NAV3: variants seen among roughly 807,000 people sequenced by gnomAD.
The protein encoded by NAV3 is neuron navigator 3, also known as pore membrane and/or filament interacting like protein 1.
NAV3 carries 87 observed loss-of-function variants against 244.7 expected under a neutral mutation model. The observed-to-expected ratio is 0.36, with a 90% CI of 0.30 to 0.42. NAV3 has a LOEUF of 0.42. NAV3 is among the 20% of genes least tolerant of loss of function. The pLI is 1.00. For missense variants in NAV3, 2,663 were observed against 2,893.3 expected (o/e 0.92, Z 1.83); for synonymous variants, 1,126 against 1,042.2 (o/e 1.08, Z -1.55).
At chr12:77,637,522 A>G in intron 2 of NAV3, among the ~76,000 whole-genome samples, 1 of 152,278 alleles carries the variant, frequency 6.6e-6, no homozygotes, top group East Asian at 1.9e-4. Context: ...ATGTGCAAGT[A>G]ATTGTCCTAA....
chr12:77,586,187 A>G (rs1869605967), intron 2 of NAV3, among the ~76,000 whole-genome samples: 1 of 151,990 alleles, frequency 6.6e-6, no homozygotes, highest in Non-Finnish European at 1.5e-5. Flanking sequence ...AAATTGCTGT[A>G]AGATTATAAT....
At chr12:77,723,778 T>TA (rs1555198708) in intron 2 of NAV3, among the ~76,000 whole-genome samples, 7 of 147,628 alleles carry the variant, frequency 4.7e-5, no homozygotes, top group East Asian at 2.0e-4. Context: ...TTTTTTTTTT[T>TA]ACATATATCT....
chr12:77,817,921 A>G (rs1330081611), intron 2 of NAV3, among the ~76,000 whole-genome samples: 1 of 152,192 alleles, frequency 6.6e-6, no homozygotes, highest in African/African-American at 2.4e-5. Flanking sequence ...AACATGAAGG[A>G]AAATGTCTGC....
Position 78,116,830 on chromosome 12 carries a change from A to C in NAV3, c.2695A>C (p.Thr899Pro), listed in dbSNP as rs1331384488. ...CAGTGACACCCTTGATAACATCAGC[A>C]CTGATGACCTGAACACCACATCCTC... ...GLSDTLDNIS[T>P]DDLNTTSSVS... Residue 899 changes from threonine (T) to proline (P), a missense_variant, in exon 13 of 40, where the codon ACT becomes CCT. Around this residue, in one of 6 missense-constraint regions of NAV3, gnomAD observed 1,521 missense variants for 1,497.0 expected, o/e 1.02. Coordinates refer to ENST00000397909, the MANE Select transcript of NAV3 (RefSeq NM_001024383.2). The C allele has an allele frequency of 6.2e-7, 1 of 1,612,790 alleles. No individual in the cohort carries two copies.
intron 12 of NAV3, among the ~76,000 whole-genome samples, chr12:78,113,320 G>A (rs980793366): frequency 6.6e-6 from 1 of 152,198 alleles, no homozygotes; most frequent in Non-Finnish European, 1.5e-5. Flanking sequence ...GACTCTGTGT[G>A]GGGGCTCTGA....
At chr12:78,185,103 A>G (rs925203985) in intron 30 of NAV3, among the ~76,000 whole-genome samples, 2 of 151,824 alleles carry the variant, frequency 1.3e-5, no homozygotes, top group Non-Finnish European at 2.9e-5. Flanking sequence ...ACAGTACCTA[A>G]TAATTATAAA....
At chr12:77,847,838 T>C (rs1234007331) in intron 1 of NAV3, among the ~76,000 whole-genome samples, 2 of 152,212 alleles carry the variant, frequency 1.3e-5, no homozygotes, top group Non-Finnish European at 2.9e-5. Flanking sequence ...TAGCACTCTA[T>C]CACGATGTTG....
intron 15 of NAV3, among the ~76,000 whole-genome samples, chr12:78,120,514 T>C (rs1593668977): frequency 6.6e-6 from 1 of 152,324 alleles, no homozygotes; most frequent in Middle Eastern, 3.4e-3. Context: ...CAGTGTTTGG[T>C]ACAGTATCAC....
At chr12:78,131,490 A>G (rs1477003082) in intron 18 of NAV3, among the ~76,000 whole-genome samples, 1 of 152,124 alleles carries the variant, frequency 6.6e-6, no homozygotes, top group East Asian at 1.9e-4. Flanking sequence ...AATATGAAAA[A>G]ATTTTATACA....
At position 78,007,086 on chromosome 12, in the gene NAV3, G is replaced by A. The variant is rs1240762874; in HGVS notation, c.1548G>A (p.Lys516=). Residue 516 remains lysine, a synonymous_variant, in exon 8 of 40, where the codon AAG becomes AAA. Coordinates refer to ENST00000397909, the MANE Select transcript of NAV3 (RefSeq NM_001024383.2). The stretch of plus-strand genomic sequence containing the variant: ...AGGGCAGCAAGACAACAGCAGCTAA[G>A]AAGGAAAGCTTAATTCCGTCTTCCA... ...IPKGSKTTAA[K]KESLIPSSSG... is the part of the protein sequence containing the mutation. The A allele has an allele frequency of 1.9e-6, 3 of 1,614,048 alleles. No individual in the cohort carries two copies. Among genetic ancestry groups the A allele is most frequent in the Non-Finnish European group, 2.5e-6 (3 of 1,180,046 alleles).
chr12:77,704,449 T>C (rs1168116904), intron 2 of NAV3, among the ~76,000 whole-genome samples: 1 of 152,186 alleles, frequency 6.6e-6, no homozygotes, highest in Admixed American at 6.5e-5. Flanking sequence ...CAGCCCTGAT[T>C]CCTACTTGCT....
chr12:78,007,209 C>T lies in NAV3; in HGVS notation c.1671C>T (p.Thr557=), dbSNP rs1210898593. The T allele has an allele frequency of 2.5e-6, 4 of 1,614,162 alleles. No homozygotes were observed. Among genetic ancestry groups the T allele is most frequent in the Non-Finnish European group, 3.4e-6 (4 of 1,180,016 alleles). The change falls in exon 8 of 40, where the codon ACC becomes ACT. Residue 557 remains threonine (T), a synonymous_variant. Coordinates refer to ENST00000397909, the MANE Select transcript of NAV3 (RefSeq NM_001024383.2). Reference sequence around the variant, plus strand: ...AAGAGTCTGAGAAATTCAGGACTACCAAGGGGAGCCCTTCCCAGTCCTTAT... The same window carrying T: ...AAGAGTCTGAGAAATTCAGGACTACTAAGGGGAGCCCTTCCCAGTCCTTAT... ...ASKESEKFRT[T]KGSPSQSLSK... is the part of the protein sequence containing the mutation.
chr12:77,647,940 A>G (rs766025430), intron 2 of NAV3, among the ~76,000 whole-genome samples: 3 of 152,140 alleles, frequency 2.0e-5, no homozygotes, highest in East Asian at 1.9e-4. Flanking sequence ...GGGAAAATTC[A>G]ATAATATTAC....
chr12:78,159,908 G>A (rs1290514316), intron 23 of NAV3, among the ~76,000 whole-genome samples: 3 of 152,084 alleles, frequency 2.0e-5, no homozygotes, highest in Admixed American at 6.6e-5. Context: ...CTGTTATGCA[G>A]TTGACAAGAA....
chr12:77,625,043 C>T (rs1871553656), intron 2 of NAV3, among the ~76,000 whole-genome samples: 1 of 152,092 alleles, frequency 6.6e-6, no homozygotes, highest in African/African-American at 2.4e-5. Flanking sequence ...ACACATCATG[C>T]ACATGTACCC....
intron 2 of NAV3, among the ~76,000 whole-genome samples, chr12:77,659,660 T>C (rs922377701): frequency 2.4e-4 from 37 of 152,240 alleles, no homozygotes; most frequent in African/African-American, 8.2e-4. Flanking sequence ...CACATGCACA[T>C]GTATGTTTAT....
chr12:78,148,751 C>A, intron 21 of NAV3, 91 bp from the exon 22 acceptor site: 1 of 1,118,384 alleles, frequency 8.9e-7, no homozygotes, highest in Non-Finnish European at 1.3e-6. Context: ...TTAGAATGAG[C>A]TAAATACAGC....
intron 34 of NAV3, among the ~76,000 whole-genome samples, chr12:78,192,569 C>A (rs1959032485): frequency 6.6e-6 from 1 of 151,588 alleles, no homozygotes; most frequent in Admixed American, 6.6e-5. Flanking sequence ...CCACACCCAG[C>A]TAATTTTTTT....
intron 12 of NAV3, among the ~76,000 whole-genome samples, chr12:78,115,237 G>T (rs966417032): frequency 3.9e-5 from 6 of 152,154 alleles, no homozygotes; most frequent in African/African-American, 1.2e-4. Context: ...GCTTTTGTCT[G>T]TATATAATGT....
Sources: allele counts gnomAD v4.1 joint callset (sites outside exome capture counted in the v4.1 genomes callset), GRCh38; gene constraint gnomAD v4.1.1; regional missense constraint gnomAD v4.1.1; transcripts MANE v1.5; gene names NCBI Gene and HGNC (gene_info 2026-07-23, HGNC 2026-07-21).